The following MYO16 variants were observed in gnomAD, a reference collection of about 807,000 sequenced individuals.
MYO16 encodes myosin XVI, also known as unconventional myosin-XVI.
A neutral mutation model predicts 205.3 loss-of-function variants in MYO16; 94 were observed. The observed-to-expected ratio is 0.46, with a 90% confidence interval of 0.39 to 0.54. The LOEUF (loss-of-function observed/expected upper bound fraction) is 0.54. MYO16 is among the 20% of genes least tolerant of loss of function. MYO16 has a pLI of 0.00. For synonymous variants in MYO16, 988 were observed against 954.0 expected, an observed-to-expected ratio of 1.04 and a Z score of -0.66; for missense variants, 2,315 against 2,387.5, an observed-to-expected ratio of 0.97 and a Z score of 0.63.
chr13:108,868,834 C>T (rs1303156572), intron 12 of MYO16, among the ~76,000 whole-genome samples: 1 of 150,886 alleles, frequency 6.6e-6, no homozygotes, highest in East Asian at 2.0e-4. Flanking sequence ...GCAGGAGAAT[C>T]GCTTGAACCC....
Position 108,737,035 on chromosome 13 carries a change from G to A in MYO16, c.507+9452G>A, listed in dbSNP as rs536207550. On this transcript the variant is annotated intron_variant, in intron 4 of 34. Transcript: ENST00000457511. ...TTGCTTATCAGCTTAAGGAGATTTTGGGCTGAGACAATGGGGTTTTCTAGA... is the reference window on the plus strand; with the variant it reads ...TTGCTTATCAGCTTAAGGAGATTTTAGGCTGAGACAATGGGGTTTTCTAGA... 1.2e-3 allele frequency among the ~76,000 whole-genome samples: 180 copies of A among 152,246 alleles called. 1 individual carries two copies. The highest frequency in any genetic ancestry group is 4.3e-3 in the African/African-American group (178 of 41,532).
At chr13:109,040,213 T>G (rs911837963) in intron 23 of MYO16, among the ~76,000 whole-genome samples, 1 of 152,108 alleles carries the variant, frequency 6.6e-6, no homozygotes, top group Non-Finnish European at 1.5e-5. Context: ...CTATTCCAGA[T>G]TGTTTCACTG....
At chr13:108,843,652 T>G (rs1038110625) in intron 9 of MYO16, among the ~76,000 whole-genome samples, 2 of 152,196 alleles carry the variant, frequency 1.3e-5, no homozygotes, top group East Asian at 3.8e-4. Flanking sequence ...AGGAGGCACA[T>G]TTTTAAATCT....
chr13:108,575,693 G>T, the MYO16 span, among the ~76,000 whole-genome samples: 21 of 152,040 alleles, frequency 1.4e-4, no homozygotes, highest in Non-Finnish European at 4.4e-5. Context: ...CTTTCACTTT[G>T]GTTACAAATG....
At chr13:109,041,677 C>G (rs970602009) in intron 23 of MYO16, among the ~76,000 whole-genome samples, 2 of 152,034 alleles carry the variant, frequency 1.3e-5, no homozygotes, top group African/African-American at 4.8e-5. Flanking sequence ...CAGGATGTTA[C>G]TATTGAAAGA....
upstream of MYO16, among the ~76,000 whole-genome samples, chr13:108,595,881 C>CTTAT (rs1555330756): frequency 9.2e-6 from 1 of 108,314 alleles, no homozygotes; most frequent in Non-Finnish European, 1.8e-5. Context: ...AAATTAAGTC[C>CTTAT]TTTTTTTTTT....
At chr13:108,927,616 T>G (rs910184381) in intron 16 of MYO16, among the ~76,000 whole-genome samples, 1 of 152,222 alleles carries the variant, frequency 6.6e-6, no homozygotes, top group Non-Finnish European at 1.5e-5. Flanking sequence ...TTTTTGAAAT[T>G]TCATGAAATT....
chr13:108,997,875 T>C (rs1245315843), intron 21 of MYO16, among the ~76,000 whole-genome samples: 1 of 152,144 alleles, frequency 6.6e-6, no homozygotes, highest in Non-Finnish European at 1.5e-5. Flanking sequence ...ACGTAATTTA[T>C]CTTCAAGCCA....
intron 13 of MYO16, among the ~76,000 whole-genome samples, chr13:108,884,809 G>A (rs1221371371): frequency 6.6e-6 from 1 of 151,840 alleles, no homozygotes; most frequent in Non-Finnish European, 1.5e-5. Flanking sequence ...TCAAGGATGA[G>A]AAAGGCGCTG....
At chr13:108,915,780 A>C (rs559921419) in intron 16 of MYO16, among the ~76,000 whole-genome samples, 44 of 152,166 alleles carry the variant, frequency 2.9e-4, no homozygotes, top group South Asian at 4.1e-4. Flanking sequence ...AACATTTGTG[A>C]GTAAAGGTCA....
chr13:108,909,970 A>G, intron 15 of MYO16, 33 bp from the exon 16 acceptor site: 1 of 1,598,264 alleles, frequency 6.3e-7, no homozygotes, highest in Non-Finnish European at 8.6e-7. Flanking sequence ...GAATACTGCC[A>G]TTTAACAGAA....
chr13:108,733,688 C>T (rs1273885853), intron 4 of MYO16, among the ~76,000 whole-genome samples: 1 of 152,154 alleles, frequency 6.6e-6, no homozygotes, highest in Non-Finnish European at 1.5e-5. Context: ...GAGGGCCGGG[C>T]GTGGTGGATC....
chr13:108,561,609 A>G, the MYO16 span, among the ~76,000 whole-genome samples: 2,506 of 152,346 alleles, frequency 0.016, 58 homozygotes, highest in South Asian at 0.087. Flanking sequence ...TTTTACATTA[A>G]TGTTTATTTT....
rs976528311 is a variant in MYO16, at chr13:109,031,162, G to C, written c.2796+11251G>C. 8.5e-5 allele frequency among the ~76,000 whole-genome samples: 13 copies of C among 152,078 alleles called. 1 individual carries two copies. The highest frequency in any genetic ancestry group is 1.5e-4 in the Non-Finnish European group (10 of 68,016). Reference sequence around the variant, plus strand: ...GCTGGAGTGCAACGGCGCGATCTCGGCTCACTGAAACCTCTGCCTCCCAGA... The same window carrying C: ...GCTGGAGTGCAACGGCGCGATCTCGCCTCACTGAAACCTCTGCCTCCCAGA... On this transcript the variant is annotated intron_variant, in intron 23 of 34. Coordinates refer to ENST00000457511, the MANE Select transcript of MYO16 (RefSeq NM_001198950.3).
intron 16 of MYO16, 57 bp from the exon 17 acceptor site, chr13:108,957,631 C>T (rs1021018217): frequency 8.1e-6 from 10 of 1,230,044 alleles, no homozygotes; most frequent in African/African-American, 7.4e-5. Flanking sequence ...TGACTTTTAA[C>T]CACAGAAGTC....
At chr13:108,657,707 A>G (rs921045230) in intron 1 of MYO16, among the ~76,000 whole-genome samples, 1 of 152,166 alleles carries the variant, frequency 6.6e-6, no homozygotes, top group Non-Finnish European at 1.5e-5. Context: ...GTTCCGGACT[A>G]TCACTCCTAA....
intron 1 of MYO16, among the ~76,000 whole-genome samples, chr13:108,617,823 C>T (rs1165224760): frequency 6.6e-6 from 1 of 152,100 alleles, no homozygotes; most frequent in African/African-American, 2.4e-5. Context: ...CTTATTTATT[C>T]TATTGATGTT....
the MYO16 span, among the ~76,000 whole-genome samples, chr13:108,508,684 C>G: frequency 6.6e-6 from 1 of 152,156 alleles, no homozygotes; most frequent in Non-Finnish European, 1.5e-5. Flanking sequence ...CTGTGCTGAG[C>G]TCTGCCAGCT....
chr13:109,207,199 C>T lies in MYO16; in HGVS notation c.*363C>T, dbSNP rs959799217. ...CACACTCTGTACAGTTGTTTTTCTACGGTTCAACAGTCTGTTTATTGTACT... is the reference window on the plus strand; with the variant it reads ...CACACTCTGTACAGTTGTTTTTCTATGGTTCAACAGTCTGTTTATTGTACT... On this transcript the variant is annotated 3_prime_UTR_variant, in exon 35 of 35. Coordinates refer to ENST00000457511, the MANE Select transcript of MYO16 (RefSeq NM_001198950.3). The T allele has an allele frequency of 4.3e-5, 9 of 209,558 alleles. No homozygotes were observed. Among genetic ancestry groups the T allele is most frequent in the East Asian group, 1.2e-4 (1 of 8,638 alleles). The allele number at this position is 209,558 out of a possible 1,614,324, so 13.0% of individuals were successfully genotyped here. A position where few individuals can be genotyped will look rare whatever the true frequency, so the allele number is the denominator to read the frequency against.
Sources: gnomAD v4.1 joint callset for allele counts (sites outside exome capture counted in the v4.1 genomes callset) on GRCh38, gnomAD v4.1.1 for gene constraint, MANE v1.5 for transcripts, NCBI Gene and HGNC (gene_info 2026-07-23, HGNC 2026-07-21) for gene names.